RNF216: variants seen among roughly 807,000 people sequenced by gnomAD.
The protein encoded by RNF216 is ring finger protein 216, also known as E3 ubiquitin-protein ligase RNF216.
A neutral mutation model predicts 110.8 loss-of-function variants in RNF216; 72 were observed. The ratio of observed to expected loss-of-function variants is 0.65; its 90% CI spans 0.54 to 0.79. RNF216 has a LOEUF of 0.79. Among genes scored for constraint, RNF216 ranks in the 30% least tolerant of loss-of-function variants. The pLI is 0.00. For missense variants in RNF216, 1,342 were observed against 1,141.2 expected (o/e 1.18, Z -2.54); for synonymous variants, 495 against 407.5 (o/e 1.21, Z -2.59).
chr7:5,650,679 G>A (rs2128575428), intron 14 of RNF216, among the ~76,000 whole-genome samples: 1 of 152,174 alleles, frequency 6.6e-6, no homozygotes, highest in Admixed American at 6.5e-5. Context: ...GCAACAGGGG[G>A]GTCAAGTCCT....
In RNF216 at chr7:5,729,575, C is replaced by CA; in HGVS notation, c.1245dup (p.Asp416Ter). 1.9e-6 allele frequency: 3 copies of CA among 1,613,250 alleles called. No homozygotes were observed. The highest frequency in any genetic ancestry group is 2.5e-6 in the Non-Finnish European group (3 of 1,179,736). ...TCAAGAGGGGTCAATTTAGAATAGT[C>CA]AAAAAAGTCTATTTTAGGCAACTGA... On this transcript the variant is annotated frameshift_variant, in exon 7 of 17. Transcript: ENST00000389902. LOFTEE classifies it high-confidence loss of function.
chr7:5,738,825 G>A (rs1315719899), intron 5 of RNF216, among the ~76,000 whole-genome samples: 1 of 151,942 alleles, frequency 6.6e-6, no homozygotes, highest in Admixed American at 6.6e-5. Flanking sequence ...CTAAAACACA[G>A]GTAGTATCAA....
chr7:5,649,750 G>GGAC (rs1788273386), intron 14 of RNF216: 1 of 152,220 alleles, frequency 6.6e-6, no homozygotes, highest in Non-Finnish European at 1.5e-5. Context: ...TTGTACAGAA[G>GGAC]AATGGCTCTT....
At chr7:5,727,386 A>G (rs1234365623) in intron 7 of RNF216, among the ~76,000 whole-genome samples, 1 of 152,176 alleles carries the variant, frequency 6.6e-6, no homozygotes, top group Non-Finnish European at 1.5e-5. Flanking sequence ...TGAGTGGCCA[A>G]GTCTATAAGT....
intron 13 of RNF216, among the ~76,000 whole-genome samples, chr7:5,676,987 C>A (rs1790339251): frequency 6.6e-6 from 1 of 152,152 alleles, no homozygotes; most frequent in African/African-American, 2.4e-5. Context: ...AAAAGCCAAA[C>A]CAAACCAAAA....
intron 3 of RNF216, among the ~76,000 whole-genome samples, chr7:5,746,568 G>A (rs887179407): frequency 1.3e-5 from 2 of 152,202 alleles, no homozygotes; most frequent in Non-Finnish European, 2.9e-5. Context: ...GGCCTCAGGT[G>A]TCTTGACTGA....
At chr7:5,632,431 C>G (rs1032966835) in intron 15 of RNF216, among the ~76,000 whole-genome samples, 1 of 152,208 alleles carries the variant, frequency 6.6e-6, no homozygotes, top group African/African-American at 2.4e-5. Flanking sequence ...TTCTGATGAG[C>G]AAGGCCAGGC....
intron 3 of RNF216, among the ~76,000 whole-genome samples, chr7:5,751,955 A>AG (rs1368374454): frequency 2.7e-5 from 4 of 148,980 alleles, no homozygotes; most frequent in Non-Finnish European, 4.5e-5. Flanking sequence ...TGGGAGGCTG[A>AG]GGGGGGCGGA....
At chr7:5,722,696 G>GC (rs1554258356) in intron 8 of RNF216, among the ~76,000 whole-genome samples, 1 of 151,526 alleles carries the variant, frequency 6.6e-6, no homozygotes, top group Non-Finnish European at 1.5e-5. Flanking sequence ...AGCCTCTCAT[G>GC]TTTTTTTAAA....
chr7:5,720,857 A>G (rs1320007081), intron 9 of RNF216, among the ~76,000 whole-genome samples, 176 bp downstream of exon 9: 1 of 152,256 alleles, frequency 6.6e-6, no homozygotes, highest in Non-Finnish European at 1.5e-5. Context: ...TTATGAAACC[A>G]CAAACATAAG....
At chr7:5,754,367 T>G (rs1795503813) in intron 2 of RNF216, among the ~76,000 whole-genome samples, 1 of 151,996 alleles carries the variant, frequency 6.6e-6, no homozygotes, top group Non-Finnish European at 1.5e-5. Flanking sequence ...CTCACTATGT[T>G]CCTATGCTGG....
At chr7:5,635,190 G>A (rs931447308) in intron 15 of RNF216, among the ~76,000 whole-genome samples, 1 of 152,052 alleles carries the variant, frequency 6.6e-6, no homozygotes, top group Non-Finnish European at 1.5e-5. Flanking sequence ...TGCATAGCAC[G>A]CTCACATGGT....
intron 1 of RNF216, among the ~76,000 whole-genome samples, chr7:5,763,304 G>A (rs1796027807): frequency 6.6e-6 from 1 of 152,122 alleles, no homozygotes; most frequent in Admixed American, 6.6e-5. Flanking sequence ...ATACTAAAAT[G>A]GATGGATTTT....
At position 5,622,992 on chromosome 7, in the gene RNF216, C is replaced by A. The variant is rs751268689; in HGVS notation, c.2640G>T (p.Met880Ile). The part of the protein sequence containing the change: ...RPVFNNFPLN[M>I]GPIPAPYVPP... ...GCACGTACGGGGCTGGGATAGGCCC[C>A]ATGTTGAGTGGGAAGTTGTTGAACA... The change falls in exon 17 of 17, where the codon ATG (methionine) becomes ATT (isoleucine). Residue 880 changes from methionine (M) to isoleucine (I), a missense_variant. Coordinates refer to ENST00000389902, the MANE Select transcript of RNF216 (RefSeq NM_207111.4). The A allele has an allele frequency of 1.9e-6, 3 of 1,614,066 alleles. No individual in the cohort carries two copies. The highest frequency in any genetic ancestry group is 2.5e-6 in the Non-Finnish European group (3 of 1,180,008).
chr7:5,749,763 C>T (rs1466931089), intron 3 of RNF216, among the ~76,000 whole-genome samples: 4 of 152,128 alleles, frequency 2.6e-5, no homozygotes, highest in South Asian at 2.1e-4. Flanking sequence ...TTCGTACTAT[C>T]GGACTAAATA....
chr7:5,662,867 A>G (rs1181594192), intron 13 of RNF216, among the ~76,000 whole-genome samples: 2 of 150,928 alleles, frequency 1.3e-5, no homozygotes, highest in Non-Finnish European at 3.0e-5. Flanking sequence ...CTTCTGCTTG[A>G]GCCTGAAGGC....
chr7:5,780,412 G>T (rs1797015318), intron 1 of RNF216: 1 of 152,146 alleles, frequency 6.6e-6, no homozygotes, highest in Non-Finnish European at 1.5e-5. Context: ...GAGGGTCCCG[G>T]AGAACATATC....
At chr7:5,668,110 G>C (rs1238037738) in intron 13 of RNF216, among the ~76,000 whole-genome samples, 1 of 152,202 alleles carries the variant, frequency 6.6e-6, no homozygotes, top group Non-Finnish European at 1.5e-5. Context: ...ATATCAGACA[G>C]GACATCTTGC....
chr7:5,735,545 T>A (rs547049219), intron 5 of RNF216, among the ~76,000 whole-genome samples: 1 of 150,580 alleles, frequency 6.6e-6, no homozygotes, highest in Non-Finnish European at 1.5e-5. Context: ...ACACGGTAGA[T>A]GAGTTAAAAG....
Sources: allele counts gnomAD v4.1 joint callset (sites outside exome capture counted in the v4.1 genomes callset), GRCh38; gene constraint gnomAD v4.1.1; transcripts MANE v1.5; gene names NCBI Gene and HGNC (gene_info 2026-07-23, HGNC 2026-07-21).